LOXL2: variants seen among roughly 807,000 people sequenced by gnomAD.
LOXL2 encodes the protein lysyl oxidase like 2.
LOXL2 carries 70 observed loss-of-function variants against 93.0 expected under a neutral mutation model. That is an observed-to-expected ratio of 0.75 (90% CI 0.62 to 0.92). LOXL2 has a LOEUF of 0.92. LOXL2 is among the 40% of genes least tolerant of loss of function. The pLI is 0.00. For missense variants in LOXL2, 973 were observed against 1,054.9 expected (o/e 0.92, Z 1.08); for synonymous variants, 438 against 413.2 (o/e 1.06, Z -0.73).
chr8:23,311,849 C>T (rs150487348), intron 9 of LOXL2, among the ~76,000 whole-genome samples: 61 of 152,198 alleles, frequency 4.0e-4, no homozygotes, highest in South Asian at 8.3e-4. Context: ...GGAATTGTAA[C>T]GGGAGGAACC....
intron 5 of LOXL2, among the ~76,000 whole-genome samples, chr8:23,330,816 G>C (rs1803663459): frequency 6.6e-6 from 1 of 151,822 alleles, no homozygotes; most frequent in Non-Finnish European, 1.5e-5. Context: ...GGGGTTTGGG[G>C]GGTGGTGGAC....
At chr8:23,397,742 C>T (rs1321901071) in intron 1 of LOXL2, among the ~76,000 whole-genome samples, 1 of 147,980 alleles carries the variant, frequency 6.8e-6, no homozygotes, top group Non-Finnish European at 1.5e-5. Context: ...CGCGCCACTG[C>T]ACTCCCAGCC....
chr8:23,362,144 G>A (rs4872112), intron 2 of LOXL2, among the ~76,000 whole-genome samples: 30,578 of 152,074 alleles, frequency 0.2, 4,231 homozygotes, highest in African/African-American at 0.4. Context: ...CTATCCATAC[G>A]ATGGAATATT....
At chr8:23,324,009 T>G (rs1803540209) in intron 6 of LOXL2, among the ~76,000 whole-genome samples, 1 of 152,126 alleles carries the variant, frequency 6.6e-6, no homozygotes, top group Non-Finnish European at 1.5e-5. Flanking sequence ...CTGATTAAGG[T>G]TATTTCTTAT....
At chr8:23,403,786 C>T (rs1222113526) in intron 1 of LOXL2, 168 bp downstream of exon 1, 3 of 152,388 alleles carry the variant, frequency 2.0e-5, no homozygotes, top group African/African-American at 7.2e-5. Context: ...GCAGGAGGAC[C>T]CGTTAGCCTG....
rs1056220207 is a variant in LOXL2, at chr8:23,297,169, A to T, written c.*874T>A. Reference sequence around the variant, plus strand: ...GCCCAGGTGCTGTGGGTCAAAGGAAACACAGACACGTTTCATAAATCTTTC... The same window carrying T: ...GCCCAGGTGCTGTGGGTCAAAGGAATCACAGACACGTTTCATAAATCTTTC... On this transcript the variant is annotated 3_prime_UTR_variant, in exon 14 of 14. Transcript: ENST00000389131. 1 of 152,172 alleles carries T rather than the reference A, an allele frequency of 6.6e-6. No individual in the cohort carries two copies. Among genetic ancestry groups the T allele is most frequent in the Non-Finnish European group, 1.5e-5 (1 of 68,030 alleles). The allele number at this position is 152,172 out of a possible 1,614,324, so 9.4% of individuals were successfully genotyped here.
At chr8:23,359,995 TCA>T in intron 3 of LOXL2, 93 bp downstream of exon 3, 3 of 1,193,420 alleles carry the variant, frequency 2.5e-6, no homozygotes, top group Non-Finnish European at 3.6e-6. Context: ...TCCTTCCTGC[TCA>T]CACACACTTC....
intron 3 of LOXL2, among the ~76,000 whole-genome samples, chr8:23,349,935 CTT>C (rs1323534745): frequency 6.6e-6 from 1 of 152,054 alleles, no homozygotes; most frequent in Non-Finnish European, 1.5e-5. Context: ...AATAAAGACT[CTT>C]TTTATTCTTT....
intron 8 of LOXL2, among the ~76,000 whole-genome samples, chr8:23,318,462 A>ACACACACACACAC (rs1563188784): frequency 9.2e-5 from 10 of 108,350 alleles, no homozygotes; most frequent in African/African-American, 3.4e-4. Flanking sequence ...CACACACACA[A>ACACACACACACAC]AAATACACAT....
At position 23,328,371 on chromosome 8, in the gene LOXL2, C is replaced by T. The variant is rs762186443; in HGVS notation, c.1150+11G>A. 46 of 1,613,478 alleles carry T rather than the reference C, an allele frequency of 2.9e-5. No individual in the cohort carries two copies. In the Admixed American group the frequency reaches 7.7e-4, roughly 27 times the overall value. Reference sequence around the variant, plus strand: ...GGAAGAGAGGCCCCCTCTAGCCTCCCCATTCCTTACCTTGCCCCAGTCGGG... The same window carrying T: ...GGAAGAGAGGCCCCCTCTAGCCTCCTCATTCCTTACCTTGCCCCAGTCGGG... On this transcript the variant is annotated intron_variant, in intron 6 of 13. Transcript: ENST00000389131.
rs945195779 is a variant in LOXL2 at position 23,297,819 on chromosome 8, C to T, written c.*224G>A. ...CCAGCAGCTCTGTGGACAAACCCCA[C>T]CCCCGCAAGGCCTTCTCAGGCCCCA... On this transcript the variant is annotated 3_prime_UTR_variant, in exon 14 of 14. Coordinates refer to ENST00000389131, the MANE Select transcript of LOXL2 (RefSeq NM_002318.3). The T allele has an allele frequency of 3.9e-6, 2 of 511,748 alleles. No homozygotes were observed. The highest frequency in any genetic ancestry group is 3.5e-6 in the Non-Finnish European group (1 of 286,226). 31.7% of individuals were successfully genotyped at this position (511,748 alleles called of 1,614,324 possible). A position where few individuals can be genotyped will look rare whatever the true frequency, so the allele number is the denominator to read the frequency against.
chr8:23,322,349 C>T, intron 6 of LOXL2, 68 bp from the exon 7 acceptor site: 5 of 1,449,786 alleles, frequency 3.4e-6, no homozygotes, highest in Non-Finnish European at 4.7e-6. Context: ...GGCAAGAAAG[C>T]CCTGGACAAT....
At chr8:23,321,319 G>A (rs1284125802) in intron 7 of LOXL2, among the ~76,000 whole-genome samples, 2 of 74,932 alleles carry the variant, frequency 2.7e-5, no homozygotes, top group Admixed American at 1.1e-4. Flanking sequence ...AGGACAGAGA[G>A]AAGGGTTTGA....
rs149587418 is a variant in LOXL2, at chr8:23,316,985, C to T, written c.1600G>A (p.Gly534Arg). 8,089 of 1,613,424 alleles carry T rather than the reference C, an allele frequency of 5.0e-3. 230 individuals are homozygous for T. In the Admixed American group the frequency reaches 0.071, roughly 14 times the overall value. Residue 534 changes from glycine to arginine, a missense_variant, in exon 9 of 14, where the codon GGA becomes AGA. Physicochemically the swap from Gly to Arg is moderately radical, Grantham distance 125. Transcript: ENST00000389131. ...GCAACTCCGGCCCCGTACTGCACTC[C>T]GCCCTGGGGGCAGGCCACGTCCTCC... The part of the protein sequence containing the change: ...DGEDVACPQG[G>R]VQYGAGVACS...
intron 1 of LOXL2, among the ~76,000 whole-genome samples, chr8:23,397,496 C>A (rs572620626): frequency 2.0e-5 from 3 of 152,036 alleles, no homozygotes; most frequent in Non-Finnish European, 1.5e-5. Context: ...TATGCTTTTC[C>A]GGCCAGGCAC....
rs935344894 is a variant in LOXL2 at position 23,368,136 on chromosome 8, C to T, written c.216G>A (p.Val72=). 1.3e-5 allele frequency: 21 copies of T among 1,614,008 alleles called. No individual in the cohort carries two copies. The highest frequency in any genetic ancestry group is 1.7e-5 in the Admixed American group (1 of 60,010). ...CCCACTGGCCATCATAGTACACCTC[C>T]ACCCGGCCCTCGCTGTGCTTCCTCT... The part of the protein sequence containing the change: ...GQKRKHSEGR[V]EVYYDGQWGT... The change falls in exon 2 of 14, where the codon GTG becomes GTA. Residue 72 remains valine, a synonymous_variant. Coordinates refer to ENST00000389131, the MANE Select transcript of LOXL2 (RefSeq NM_002318.3).
intron 1 of LOXL2, among the ~76,000 whole-genome samples, chr8:23,388,623 TCACACACACACACACA>T (rs10522826): frequency 0.11 from 15,185 of 142,884 alleles, 869 homozygotes; most frequent in East Asian, 0.21. Context: ...AAAAATATAC[TCACACACACACACACA>T]CACACACACA....
intron 1 of LOXL2, among the ~76,000 whole-genome samples, chr8:23,396,322 A>C (rs1454850291): frequency 1.3e-5 from 1 of 78,850 alleles, no homozygotes; most frequent in East Asian, 4.1e-4. Flanking sequence ...AGTCTCAAAA[A>C]CAAACAAACA....
chr8:23,305,954 G>C (rs894823805), intron 10 of LOXL2, among the ~76,000 whole-genome samples: 5 of 151,984 alleles, frequency 3.3e-5, no homozygotes, highest in African/African-American at 1.2e-4. Context: ...TGGGACTACA[G>C]AGCACGCCAC....
Sources: gnomAD v4.1 joint callset for allele counts (sites outside exome capture counted in the v4.1 genomes callset) on GRCh38, gnomAD v4.1.1 for gene constraint, MANE v1.5 for transcripts, NCBI Gene and HGNC (gene_info 2026-07-23, HGNC 2026-07-21) for gene names.